The following ITGA11 variants were observed in gnomAD, a reference collection of about 807,000 sequenced individuals.
The protein encoded by ITGA11 is integrin alpha-11.
ITGA11 carries 97 observed loss-of-function variants against 141.9 expected under a neutral mutation model. The ratio of observed to expected loss-of-function variants is 0.68; its 90% confidence interval spans 0.58 to 0.81. The LOEUF (loss-of-function observed/expected upper bound fraction) is 0.81. Ranked by LOEUF, ITGA11 falls within the 30% of genes least tolerant of loss-of-function variation. ITGA11 has a pLI of 0.00. For synonymous variants in ITGA11, 658 were observed against 624.6 expected (o/e 1.05, Z -0.80); for missense variants, 1,387 against 1,559.2 (o/e 0.89, Z 1.86).
intron 10 of ITGA11, among the ~76,000 whole-genome samples, chr15:68,344,202 TC>T (rs1894665782): frequency 6.6e-6 from 1 of 152,026 alleles, no homozygotes. Context: ...AGCTGCTGTG[TC>T]CTGGACCCCT....
chr15:68,374,636 G>T (rs945922973), intron 2 of ITGA11, among the ~76,000 whole-genome samples: 1 of 152,226 alleles, frequency 6.6e-6, no homozygotes, highest in African/African-American at 2.4e-5. Flanking sequence ...GAGCAGCTTA[G>T]CTCCCCAGCA....
chr15:68,404,662 G>C (rs1225662290), intron 1 of ITGA11, among the ~76,000 whole-genome samples: 1 of 152,114 alleles, frequency 6.6e-6, no homozygotes, highest in African/African-American at 2.4e-5. Context: ...CAGCAGGTCA[G>C]TGGTAGCATC....
intron 12 of ITGA11, 45 bp from the exon 13 acceptor site, chr15:68,332,523 C>A (rs140496875): frequency 1.3e-6 from 2 of 1,599,040 alleles, no homozygotes; most frequent in East Asian, 2.2e-5. Flanking sequence ...CTGCCCAGCT[C>A]GCACAACCCA....
intron 2 of ITGA11, among the ~76,000 whole-genome samples, chr15:68,394,652 C>A (rs905911821): frequency 2.6e-5 from 4 of 151,762 alleles, no homozygotes; most frequent in African/African-American, 9.7e-5. Flanking sequence ...CATAGTTGAT[C>A]CTAGAACACA....
At chr15:68,372,666 C>A (rs752158915) in intron 2 of ITGA11, among the ~76,000 whole-genome samples, 1 of 152,180 alleles carries the variant, frequency 6.6e-6, no homozygotes, top group Non-Finnish European at 1.5e-5. Flanking sequence ...GTGGAGACTG[C>A]ACTCTGGAAG....
At chr15:68,366,656 G>C (rs754399) in intron 3 of ITGA11, among the ~76,000 whole-genome samples, 40,136 of 152,038 alleles carry the variant, frequency 0.26, 6,332 homozygotes, top group East Asian at 0.67. Flanking sequence ...CCCTGTGTTG[G>C]AGTTAGACAG....
At chr15:68,388,826 G>C (rs1394027118) in intron 2 of ITGA11, among the ~76,000 whole-genome samples, 1 of 152,100 alleles carries the variant, frequency 6.6e-6, no homozygotes, top group Admixed American at 6.5e-5. Context: ...ACTCTGGTGA[G>C]CCACTCTCCT....
intron 12 of ITGA11, 141 bp from the exon 13 acceptor site, chr15:68,332,619 G>A (rs1252316168): frequency 3.4e-6 from 3 of 895,178 alleles, no homozygotes; most frequent in Non-Finnish European, 5.0e-6. Flanking sequence ...CCCTTCTCAC[G>A]CGCTACCTCT....
At chr15:68,400,672 T>A (rs1411675296) in intron 2 of ITGA11, among the ~76,000 whole-genome samples, 6 of 62,036 alleles carry the variant, frequency 9.7e-5, no homozygotes, top group East Asian at 5.1e-4. Context: ...ATATTATATA[T>A]TATATAATAA....
chr15:68,407,491 G>T (rs1369739663), intron 1 of ITGA11, among the ~76,000 whole-genome samples: 1 of 152,118 alleles, frequency 6.6e-6, no homozygotes, highest in Admixed American at 6.5e-5. Context: ...TTTCATGTTT[G>T]GGAGAAGTAC....
rs774060103 is a variant in ITGA11, at chr15:68,313,864, T to A, written c.2797A>T (p.Ser933Cys). Residue 933 changes from serine to cysteine, a missense_variant, in exon 23 of 30, where the codon AGT becomes TGT. Transcript: ENST00000315757. Reference sequence around the variant, plus strand: ...TCCTTGGTGCTGTCCCGCTCATTACTGTCACTGCAAGGAGAGCCAGGCGGC... The same window carrying A: ...TCCTTGGTGCTGTCCCGCTCATTACAGTCACTGCAAGGAGAGCCAGGCGGC... ...LEIELAAGSD[S>C]NERDSTKEDN... 67 of 1,613,638 alleles carry A rather than the reference T, an allele frequency of 4.2e-5. No homozygotes were observed. Among genetic ancestry groups the A allele is most frequent in the Non-Finnish European group, 5.1e-5 (60 of 1,179,684 alleles).
At chr15:68,320,433 A>C (rs572945986) in intron 19 of ITGA11, 41 bp from the exon 20 acceptor site, 14 of 1,525,258 alleles carry the variant, frequency 9.2e-6, no homozygotes, top group Non-Finnish European at 1.2e-5. Context: ...AGATGGAATG[A>C]GGAAAGCAGG....
intron 2 of ITGA11, among the ~76,000 whole-genome samples, chr15:68,385,883 C>T (rs1895973673): frequency 6.6e-6 from 1 of 152,126 alleles, no homozygotes; most frequent in Non-Finnish European, 1.5e-5. Context: ...TCTCAGACCC[C>T]TCCCAGGCCT....
chr15:68,312,733 C>G (rs770180743), intron 24 of ITGA11, 40 bp downstream of exon 24: 70 of 1,473,950 alleles, frequency 4.7e-5, no homozygotes, highest in Admixed American at 6.8e-5. Context: ...GTGCTCAGAT[C>G]CCGTCCTTCC....
chr15:68,351,138 CT>C, intron 8 of ITGA11, 119 bp downstream of exon 8: 4 of 1,089,602 alleles, frequency 3.7e-6, no homozygotes, highest in Non-Finnish European at 3.9e-6. Context: ...AAATGGGAGG[CT>C]TTTTTGAGGG....
Position 68,304,285 on chromosome 15 carries a change from G to A in ITGA11, c.3382-400C>T, listed in dbSNP as rs1485896073. 6.6e-6 allele frequency among the ~76,000 whole-genome samples: 1 copy of A among 152,130 alleles called. No individual in the cohort carries two copies. The highest frequency in any genetic ancestry group is 1.9e-4 in the East Asian group (1 of 5,192). ...CTTCTTTTTCTAGAGTCACTTCCTG[G>A]GTGAACTCAGGGCTGACTTTCCCAC... On this transcript the variant is annotated intron_variant, in intron 28 of 29. Coordinates refer to ENST00000315757, the MANE Select transcript of ITGA11 (RefSeq NM_001004439.2). This position sits in a 1 kb window ranked among gnomAD's most constrained non-coding sequence, Gnocchi z 6.1.
In ITGA11 at chr15:68,325,245, G is replaced by T. The variant is rs764197986; in HGVS notation, c.2212-4C>A. The T allele has an allele frequency of 6.8e-6, 11 of 1,606,226 alleles. No homozygotes were observed. The highest frequency in any genetic ancestry group is 4.0e-5 in the African/African-American group (3 of 74,774). On this transcript the variant is annotated splice_region_variant and splice_polypyrimidine_tract_variant and intron_variant, in intron 17 of 29. Coordinates refer to ENST00000315757, the MANE Select transcript of ITGA11 (RefSeq NM_001004439.2). The surrounding 1 kb of genome is among the most constrained non-coding windows in gnomAD (Gnocchi z 5.5). ...GCTTCACGTAGTCAGCAGTGTCCTG[G>T]GGGGTGGAGATGAGGGCAGCGGTGA...
intron 2 of ITGA11, among the ~76,000 whole-genome samples, chr15:68,369,826 C>T (rs995338035): frequency 6.6e-6 from 1 of 152,190 alleles, no homozygotes; most frequent in African/African-American, 2.4e-5. Flanking sequence ...GCAGCTGGGG[C>T]TCCTGCCTTG....
intron 24 of ITGA11, among the ~76,000 whole-genome samples, chr15:68,311,715 G>A (rs1893393664): frequency 6.6e-6 from 1 of 152,180 alleles, no homozygotes; most frequent in African/African-American, 2.4e-5. Context: ...GCCTGGGGTG[G>A]GGATTTTGTT....
Sources: allele counts gnomAD v4.1 joint callset (sites outside exome capture counted in the v4.1 genomes callset), GRCh38; gene constraint gnomAD v4.1.1; non-coding constraint Gnocchi (gnomAD v3.1); transcripts MANE v1.5; gene names NCBI Gene and HGNC (gene_info 2026-07-23, HGNC 2026-07-21).